The following ESCO1 variants were observed in gnomAD, a reference collection of about 807,000 sequenced individuals.
ESCO1 encodes the protein establishment of sister chromatid cohesion N-acetyltransferase 1, also known as N-acetyltransferase ESCO1.
ESCO1 carries 33 observed loss-of-function variants against 83.5 expected under a neutral mutation model. The observed-to-expected ratio is 0.40, with a 90% CI of 0.30 to 0.53. The LOEUF (loss-of-function observed/expected upper bound fraction) is 0.53, where lower values mean the gene tolerates loss of function less well. Ranked by LOEUF, ESCO1 falls within the 20% of genes least tolerant of loss-of-function variation. The pLI is 0.63. For missense variants in ESCO1, 855 were observed against 968.0 expected (o/e 0.88, Z 1.55); for synonymous variants, 332 against 324.3 (o/e 1.02, Z -0.25).
chr18:21,586,971 T>A (rs1432653430), intron 1 of ESCO1, among the ~76,000 whole-genome samples: 1 of 152,078 alleles, frequency 6.6e-6, no homozygotes, highest in Non-Finnish European at 1.5e-5. Context: ...TTTTGTCAGA[T>A]TTTTTTTCTG....
At chr18:21,551,388 G>A (rs74411038) in intron 8 of ESCO1, among the ~76,000 whole-genome samples, 22,555 of 151,822 alleles carry the variant, frequency 0.15, 2,142 homozygotes, top group East Asian at 0.36. Flanking sequence ...CCGAGATTGT[G>A]CCACTGCACT....
intron 11 of ESCO1, among the ~76,000 whole-genome samples, chr18:21,530,999 AAAAC>A (rs1337092950): frequency 5.9e-5 from 9 of 152,234 alleles, no homozygotes; most frequent in Non-Finnish European, 1.2e-4. Flanking sequence ...AAAATTCACA[AAAAC>A]AAACAAAAAA....
chr18:21,600,432 T>TG (rs917870339), intron 1 of ESCO1, among the ~76,000 whole-genome samples, 191 bp downstream of exon 1: 1 of 152,222 alleles, frequency 6.6e-6, no homozygotes, highest in Non-Finnish European at 1.5e-5. Flanking sequence ...GACGGCGTCT[T>TG]GGAGCCTAGA....
Position 21,574,881 on chromosome 18 carries a change from G to A in ESCO1, c.-38C>T. 1 of 1,501,176 alleles carries A rather than the reference G, an allele frequency of 6.7e-7. No homozygotes were observed. The highest frequency in any genetic ancestry group is 8.8e-7 in the Non-Finnish European group (1 of 1,131,168). The allele number at this position is 1,501,176 out of a possible 1,614,324, so 93.0% of individuals were successfully genotyped here. Reference sequence around the variant, plus strand: ...ACTTTCTTTTCTGAGTAGTTTTGAAGAGGATTTTTGTGTCCTGGTAGGCGT... The same window carrying A: ...ACTTTCTTTTCTGAGTAGTTTTGAAAAGGATTTTTGTGTCCTGGTAGGCGT... On this transcript the variant is annotated 5_prime_UTR_variant, in exon 4 of 12. Coordinates refer to ENST00000269214, the MANE Select transcript of ESCO1 (RefSeq NM_052911.3).
intron 7 of ESCO1, among the ~76,000 whole-genome samples, chr18:21,562,461 G>A (rs1244049048): frequency 1.3e-4 from 10 of 74,114 alleles, no homozygotes; most frequent in South Asian, 6.4e-4. Context: ...GGGTGACTCC[G>A]TCTTACAAAA....
chr18:21,591,815 G>GGCCTTCC (rs1252374542), intron 1 of ESCO1, among the ~76,000 whole-genome samples: 1 of 151,876 alleles, frequency 6.6e-6, no homozygotes, highest in Non-Finnish European at 1.5e-5. Flanking sequence ...AGGGCCCTGC[G>GGCCTTCC]GCCTTCCGCA....
chr18:21,596,076 T>C (rs538597951), intron 1 of ESCO1, among the ~76,000 whole-genome samples: 103 of 152,038 alleles, frequency 6.8e-4, no homozygotes, highest in African/African-American at 2.4e-3. Context: ...TTTAATCCTC[T>C]CCAACGATGC....
At chr18:21,554,622 A>G (rs571521781) in intron 8 of ESCO1, among the ~76,000 whole-genome samples, 45 of 152,162 alleles carry the variant, frequency 3.0e-4, no homozygotes, top group African/African-American at 1.0e-3. Context: ...TAAAAATAAA[A>G]AATTAGGCAA....
At chr18:21,576,586 G>C (rs2038421332) in intron 2 of ESCO1, among the ~76,000 whole-genome samples, 1 of 152,166 alleles carries the variant, frequency 6.6e-6, no homozygotes, top group South Asian at 2.1e-4. Context: ...TAAAAATTTA[G>C]AAGTACAGAT....
chr18:21,582,323 G>A (rs1165956835), intron 2 of ESCO1, among the ~76,000 whole-genome samples: 1 of 151,470 alleles, frequency 6.6e-6, no homozygotes, highest in Non-Finnish European at 1.5e-5. Context: ...TCCGCCTCCT[G>A]GGTTCAAGCG....
At chr18:21,599,166 G>A (rs1436274742) in intron 1 of ESCO1, among the ~76,000 whole-genome samples, 2 of 152,120 alleles carry the variant, frequency 1.3e-5, no homozygotes, top group African/African-American at 4.8e-5. Context: ...GCGAAACGCC[G>A]TCTCAACAAC....
At chr18:21,589,396 GTTTT>G (rs921026112) in intron 1 of ESCO1, among the ~76,000 whole-genome samples, 3 of 139,952 alleles carry the variant, frequency 2.1e-5, no homozygotes, top group African/African-American at 7.3e-5. Context: ...CATCTTGATG[GTTTT>G]TTTTACTTTT....
At chr18:21,600,409 G>A (rs1371619717) in intron 1 of ESCO1, among the ~76,000 whole-genome samples, 1 of 152,246 alleles carries the variant, frequency 6.6e-6, no homozygotes, top group Non-Finnish European at 1.5e-5. Context: ...CACGTTAGCT[G>A]CCTACCTCAA....
At chr18:21,568,161 T>C in intron 4 of ESCO1, 67 bp from the exon 5 acceptor site, 3 of 1,186,534 alleles carry the variant, frequency 2.5e-6, no homozygotes, top group Non-Finnish European at 3.7e-6. Flanking sequence ...TTTCAGTAAA[T>C]TTTAGCATAC....
chr18:21,553,546 A>G (rs1341639925), intron 8 of ESCO1, among the ~76,000 whole-genome samples: 2 of 151,896 alleles, frequency 1.3e-5, no homozygotes, highest in Non-Finnish European at 2.9e-5. Context: ...ATACTTACAA[A>G]AGAAGTAAAT....
Position 21,574,032 on chromosome 18 carries a change from T to C in ESCO1, c.812A>G (p.Asn271Ser). ...ACTTTTTGGGAGTGTTGTGTTAGTATTCACTTGTGTATGAACCGACTTCTT... is the reference window on the plus strand; with the variant it reads ...ACTTTTTGGGAGTGTTGTGTTAGTACTCACTTGTGTATGAACCGACTTCTT... ...EMKKSVHTQV[N>S]TNTTLPKSPQ... The change falls in exon 4 of 12, where the codon AAT (asparagine) becomes AGT (serine). Residue 271 changes from asparagine (N) to serine (S), a missense_variant. Transcript: ENST00000269214. The C allele has an allele frequency of 4.3e-6, 7 of 1,613,232 alleles. No individual in the cohort carries two copies. The highest frequency in any genetic ancestry group is 5.9e-6 in the Non-Finnish European group (7 of 1,180,004).
intron 4 of ESCO1, 99 bp downstream of exon 4, chr18:21,573,215 C>T: frequency 8.2e-7 from 1 of 1,215,088 alleles, no homozygotes; most frequent in Non-Finnish European, 1.1e-6. Flanking sequence ...AACAACTCTT[C>T]AATCTTTTAT....
Position 21,573,385 on chromosome 18 carries a change from T to C in ESCO1, c.1459A>G (p.Asn487Asp), listed in dbSNP as rs148110379. The change falls in exon 4 of 12, where the codon AAT becomes GAT. Residue 487 changes from asparagine to aspartate, a missense_variant. Asn to Asp is a conservative substitution (Grantham distance 23, BLOSUM62 1). This residue lies in a region of ESCO1 where 726 missense variants were observed against 699.5 expected (regional missense o/e 1.04). Coordinates refer to ENST00000269214, the MANE Select transcript of ESCO1 (RefSeq NM_052911.3). ...GGTGGGTCAGAAGGTTTTATCTCAT[T>C]GGCCAAATGACAATTTTCAGGAGCC... ...ERAPENCHLANEIKPSDPPLD... is the reference protein window; with the variant it reads ...ERAPENCHLADEIKPSDPPLD... 4.4e-6 allele frequency: 7 copies of C among 1,607,734 alleles called. No homozygotes were observed. The highest frequency in any genetic ancestry group is 5.9e-6 in the Non-Finnish European group (7 of 1,178,714).
rs554563477 is a variant in ESCO1, at chr18:21,575,384, T to C, written c.-541A>G. On this transcript the variant is annotated 5_prime_UTR_variant, in exon 4 of 12. Coordinates refer to ENST00000269214, the MANE Select transcript of ESCO1 (RefSeq NM_052911.3). ...GCAGTTCTTATCTAACCTCCTTTGT[T>C]CAACAAAATATTCTATTAATATAGA... The C allele has an allele frequency of 1.3e-5, 5 of 398,108 alleles. No homozygotes were observed. In the East Asian group the frequency reaches 1.4e-4, roughly 11 times the overall value. The allele number at this position is 398,108 out of a possible 1,614,324, so 24.7% of individuals were successfully genotyped here. A position where few individuals can be genotyped will look rare whatever the true frequency, so the allele number is the denominator to read the frequency against.
Sources: gnomAD v4.1 joint callset for allele counts (sites outside exome capture counted in the v4.1 genomes callset) on GRCh38, gnomAD v4.1.1 for gene constraint, gnomAD v4.1.1 regional missense constraint, MANE v1.5 for transcripts, NCBI Gene and HGNC (gene_info 2026-07-23, HGNC 2026-07-21) for gene names.